ALMS1: variants seen among roughly 807,000 people sequenced by gnomAD.
The protein encoded by ALMS1 is centrosome-associated protein ALMS1.
A neutral mutation model predicts 352.2 loss-of-function variants in ALMS1; 271 were observed. The ratio of observed to expected loss-of-function variants is 0.77; its 90% CI spans 0.70 to 0.85. The LOEUF (loss-of-function observed/expected upper bound fraction) is 0.85. Among genes scored for constraint, ALMS1 ranks in the 40% least tolerant of loss-of-function variants. The probability of loss-of-function intolerance (pLI) is 0.00; values close to 1 mark genes in which losing one functional copy is unlikely to be tolerated. For missense variants in ALMS1, 5,445 were observed against 4,870.7 expected, an observed-to-expected ratio of 1.12 and a Z score of -3.51; for synonymous variants, 1,865 against 1,761.2, an observed-to-expected ratio of 1.06 and a Z score of -1.48.
intron 9 of ALMS1, among the ~76,000 whole-genome samples, chr2:73,485,281 T>A (rs534113818): frequency 1.7e-4 from 26 of 152,320 alleles, no homozygotes; most frequent in Admixed American, 1.4e-3. Context: ...ATTTGTTAAT[T>A]TTCCTTCTAA....
intron 20 of ALMS1, 85 bp downstream of exon 20, chr2:73,602,453 G>T: frequency 3.9e-6 from 6 of 1,524,092 alleles, no homozygotes; most frequent in Non-Finnish European, 5.4e-6. Context: ...CTAAAGGCCA[G>T]CCCAGGCCAG....
intron 16 of ALMS1, among the ~76,000 whole-genome samples, chr2:73,580,120 C>T (rs960181265): frequency 2.6e-5 from 4 of 151,888 alleles, no homozygotes; most frequent in Non-Finnish European, 5.9e-5. Context: ...TCACACTATC[C>T]CAGACTGGAG....
At chr2:73,461,112 G>A (rs1672189654) in intron 9 of ALMS1, among the ~76,000 whole-genome samples, 1 of 152,206 alleles carries the variant, frequency 6.6e-6, no homozygotes, top group South Asian at 2.1e-4. Flanking sequence ...GCACGCAGCT[G>A]GAGATGTGAG....
intron 16 of ALMS1, among the ~76,000 whole-genome samples, chr2:73,593,099 TGAG>T (rs1423314867): frequency 1.1e-4 from 5 of 45,234 alleles, no homozygotes; most frequent in African/African-American, 2.8e-4. Context: ...GCCTGAGGGA[TGAG>T]GAGATCATTA....
At chr2:73,493,036 A>G (rs942337718) in intron 10 of ALMS1, among the ~76,000 whole-genome samples, 1 of 152,158 alleles carries the variant, frequency 6.6e-6, no homozygotes, top group East Asian at 1.9e-4. Flanking sequence ...AAACTCTTCA[A>G]AGGTTAAATG....
At chr2:73,542,672 G>A (rs1347131531) in intron 12 of ALMS1, among the ~76,000 whole-genome samples, 2 of 152,056 alleles carry the variant, frequency 1.3e-5, no homozygotes, top group African/African-American at 2.4e-5. Context: ...AAAGTCACAG[G>A]ATACAAAATC....
At chr2:73,481,154 AC>A (rs1169232679) in intron 9 of ALMS1, among the ~76,000 whole-genome samples, 5 of 152,010 alleles carry the variant, frequency 3.3e-5, no homozygotes, top group Non-Finnish European at 7.4e-5. Context: ...CCTTGCCCAC[AC>A]CTATGTCCTG....
intron 9 of ALMS1, among the ~76,000 whole-genome samples, chr2:73,486,580 A>G (rs1672852743): frequency 6.6e-6 from 1 of 152,196 alleles, no homozygotes; most frequent in South Asian, 2.1e-4. Context: ...CTTCAGCTCC[A>G]AGTCTGTATA....
At chr2:73,455,086 T>G in intron 8 of ALMS1, 76 bp from the exon 9 acceptor site, 2 of 1,497,914 alleles carry the variant, frequency 1.3e-6, no homozygotes, top group Non-Finnish European at 1.9e-6. Flanking sequence ...CATATATTGA[T>G]GATCTTCTGT....
In ALMS1 at chr2:73,570,404, CCAT is replaced by C. The variant is rs1674900760; in HGVS notation, c.10385-1857_10385-1855del. On this transcript the variant is annotated intron_variant, in intron 15 of 22. Coordinates refer to ENST00000613296, the MANE Select transcript of ALMS1 (RefSeq NM_001378454.1). ...ACTGAGAACATTTCCTGGAAATTGGCCATACATTGAGGTCATTGATCATATTAG... is the reference window on the plus strand; with the variant it reads ...ACTGAGAACATTTCCTGGAAATTGGCACATTGAGGTCATTGATCATATTAG... Among the ~76,000 whole-genome samples, 5 of 152,242 alleles carry C rather than the reference CCAT, an allele frequency of 3.3e-5. No individual in the cohort carries two copies. In the South Asian group the frequency reaches 1.0e-3, roughly 32 times the overall value.
At chr2:73,534,989 T>G in intron 12 of ALMS1, 40 bp downstream of exon 12, 1 of 1,611,658 alleles carries the variant, frequency 6.2e-7, no homozygotes, top group Non-Finnish European at 8.5e-7. Context: ...TTGTTTGATA[T>G]TTTATTTGTG....
intron 16 of ALMS1, among the ~76,000 whole-genome samples, chr2:73,582,156 TTACTC>T (rs1675197719): frequency 6.6e-6 from 1 of 152,246 alleles, no homozygotes; most frequent in Non-Finnish European, 1.5e-5. Context: ...TTGAGTCACT[TTACTC>T]AAGTGTTAGT....
intron 10 of ALMS1, among the ~76,000 whole-genome samples, chr2:73,518,521 G>C (rs1173287920): frequency 1.3e-5 from 2 of 152,124 alleles, no homozygotes; most frequent in African/African-American, 4.8e-5. Context: ...TCTGGTTTTA[G>C]CTCTATGAGG....
intron 7 of ALMS1, among the ~76,000 whole-genome samples, chr2:73,446,407 T>G (rs1281247822): frequency 1.3e-5 from 2 of 152,236 alleles, no homozygotes; most frequent in Admixed American, 1.3e-4. Flanking sequence ...GAGCCTGTTT[T>G]GTTTCCTCAC....
rs189393426 is a variant in ALMS1 at position 73,532,283 on chromosome 2, A to G, written c.9782-2541A>G. 2.5e-4 allele frequency among the ~76,000 whole-genome samples: 38 copies of G among 152,280 alleles called. 1 individual carries two copies. Among genetic ancestry groups the G allele is most frequent in the Middle Eastern group, 3.4e-3 (1 of 294 alleles). On this transcript the variant is annotated intron_variant, in intron 11 of 22. Coordinates refer to ENST00000613296, the MANE Select transcript of ALMS1 (RefSeq NM_001378454.1). ...TTGTTCAAGGCCCTGGGGCTCTACA[A>G]TCAGCAGGTGGCAAAGCCAGGGAGT... is the stretch of plus-strand genomic sequence containing the variant.
chr2:73,475,964 A>T (rs1672575576), intron 9 of ALMS1, among the ~76,000 whole-genome samples: 1 of 152,036 alleles, frequency 6.6e-6, no homozygotes, highest in Non-Finnish European at 1.5e-5. Flanking sequence ...CGTTAAGTAC[A>T]TTCATATTGT....
At chr2:73,391,678 G>A (rs76861117) in intron 1 of ALMS1, among the ~76,000 whole-genome samples, 1,702 of 152,246 alleles carry the variant, frequency 0.011, 33 homozygotes, top group African/African-American at 0.038. Flanking sequence ...TTCTCTTGAG[G>A]AACTGCTAGA....
At chr2:73,422,753 A>G in intron 3 of ALMS1, 104 bp from the exon 4 acceptor site, 1 of 908,578 alleles carries the variant, frequency 1.1e-6, no homozygotes, top group East Asian at 2.5e-5. Flanking sequence ...ATGCTTGTAG[A>G]ATTCTCCATA....
Position 73,472,291 on chromosome 2 carries a change from A to G in ALMS1, c.7674+16996A>G, listed in dbSNP as rs547403177. 1.2e-4 allele frequency among the ~76,000 whole-genome samples: 19 copies of G among 152,180 alleles called. No individual in the cohort carries two copies. The South Asian group carries it at 1.9e-3, about 15-fold the overall frequency. ...ACAAGTTTTTACATTAGTAGATCTA[A>G]TGGAGAAATGATTATTTCATTAAGC... On this transcript the variant is annotated intron_variant, in intron 9 of 22. Coordinates refer to ENST00000613296, the MANE Select transcript of ALMS1 (RefSeq NM_001378454.1).
Sources: gnomAD v4.1 joint callset for allele counts (sites outside exome capture counted in the v4.1 genomes callset) on GRCh38, gnomAD v4.1.1 for gene constraint, MANE v1.5 for transcripts, NCBI Gene and HGNC (gene_info 2026-07-23, HGNC 2026-07-21) for gene names.